The following CYP19A1 variants were observed in gnomAD, a reference collection of about 807,000 sequenced individuals.
The protein encoded by CYP19A1 is cytochrome P450 family 19 subfamily A member 1.
CYP19A1 carries 32 observed loss-of-function variants against 44.4 expected under a neutral mutation model. The ratio of observed to expected loss-of-function variants is 0.72; its 90% CI spans 0.54 to 0.97. CYP19A1 has a LOEUF of 0.97. CYP19A1 is among the 50% of genes least tolerant of loss of function. The pLI is 0.00. For synonymous variants in CYP19A1, 212 were observed against 215.6 expected, an observed-to-expected ratio of 0.98 and a Z score of 0.14; for missense variants, 598 against 637.8, an observed-to-expected ratio of 0.94 and a Z score of 0.67.
intron 2 of CYP19A1, 31 bp from the exon 3 acceptor site, chr15:51,237,040 C>T (rs112649542): frequency 2.5e-6 from 4 of 1,613,596 alleles, no homozygotes; most frequent in African/African-American, 1.3e-5. Flanking sequence ...TAAGCAACAT[C>T]TTAGTTACAC....
chr15:51,310,784 G>T (rs1424424199), intron 1 of CYP19A1, among the ~76,000 whole-genome samples: 1 of 152,176 alleles, frequency 6.6e-6, no homozygotes, highest in Non-Finnish European at 1.5e-5. Context: ...AAAAGGAGCT[G>T]GTCCTTTTCC....
intron 1 of CYP19A1, among the ~76,000 whole-genome samples, chr15:51,245,319 G>C (rs557638735): frequency 6.6e-6 from 1 of 152,160 alleles, no homozygotes; most frequent in Non-Finnish European, 1.5e-5. Context: ...AGCAGGGTAA[G>C]AATATATTTT....
At chr15:51,315,558 G>T (rs1310320619) in intron 1 of CYP19A1, among the ~76,000 whole-genome samples, 1 of 152,194 alleles carries the variant, frequency 6.6e-6, no homozygotes, top group Non-Finnish European at 1.5e-5. Context: ...CCAGTTATAT[G>T]GTTCTTGCTC....
At chr15:51,226,666 C>T (rs1400154889) in intron 4 of CYP19A1, among the ~76,000 whole-genome samples, 1 of 151,286 alleles carries the variant, frequency 6.6e-6, no homozygotes, top group Admixed American at 6.5e-5. Flanking sequence ...AATCATCTAG[C>T]CCCAGATTCC....
Position 51,210,448 on chromosome 15 carries a change from C to T in CYP19A1, c.*360G>A. On this transcript the variant is annotated 3_prime_UTR_variant, in exon 10 of 10. Transcript: ENST00000396402. ...GTTTCTGCCCCAGACATAAAAATCCCCTTGGGTTGAGGCAGTAGAGCTCTA... is the reference window on the plus strand; with the variant it reads ...GTTTCTGCCCCAGACATAAAAATCCTCTTGGGTTGAGGCAGTAGAGCTCTA... 1 of 523,552 alleles carries T rather than the reference C, an allele frequency of 1.9e-6. No homozygotes were observed. The highest frequency in any genetic ancestry group is 3.7e-6 in the Non-Finnish European group (1 of 269,738). 32.4% of individuals were successfully genotyped at this position (523,552 alleles called of 1,614,324 possible).
At chr15:51,215,368 G>A (rs1385102588) in intron 7 of CYP19A1, 136 bp from the exon 8 acceptor site, 1 of 1,392,164 alleles carries the variant, frequency 7.2e-7, no homozygotes, top group Non-Finnish European at 9.9e-7. Context: ...ATTGACTGTG[G>A]ACATTTTACA....
At chr15:51,258,876 C>T (rs1055068480) in intron 1 of CYP19A1, among the ~76,000 whole-genome samples, 2 of 152,194 alleles carry the variant, frequency 1.3e-5, no homozygotes, top group Admixed American at 1.3e-4. Context: ...AAATGGGGAG[C>T]CAGCAATACC....
intron 2 of CYP19A1, among the ~76,000 whole-genome samples, chr15:51,238,963 T>C (rs555243278): frequency 2.6e-5 from 4 of 152,300 alleles, no homozygotes; most frequent in African/African-American, 9.6e-5. Context: ...TGAAAAATAA[T>C]TACTAAATAA....
At chr15:51,281,728 G>T (rs1446662833) in intron 1 of CYP19A1, among the ~76,000 whole-genome samples, 1 of 152,004 alleles carries the variant, frequency 6.6e-6, no homozygotes, top group African/African-American at 2.4e-5. Flanking sequence ...AAAAAGAAAA[G>T]AATGATGCCC....
intron 1 of CYP19A1, chr15:51,293,839 G>A (rs1301848252): frequency 5.5e-6 from 1 of 182,596 alleles, no homozygotes; most frequent in Admixed American, 6.3e-5. Flanking sequence ...GATTGCAGAC[G>A]GAGTCTCGTT....
At chr15:51,271,205 A>C (rs1208984596) in intron 1 of CYP19A1, among the ~76,000 whole-genome samples, 1 of 152,054 alleles carries the variant, frequency 6.6e-6, no homozygotes, top group Non-Finnish European at 1.5e-5. Flanking sequence ...CAGGTCATAC[A>C]GTCTGTGGTC....
intron 1 of CYP19A1, chr15:51,320,854 T>G (rs1030842423): frequency 1.3e-5 from 2 of 152,260 alleles, no homozygotes; most frequent in African/African-American, 4.8e-5. Flanking sequence ...TAAATGAAAT[T>G]ATTTCATCAT....
chr15:51,315,273 TC>T (rs1265324874), intron 1 of CYP19A1, among the ~76,000 whole-genome samples: 3 of 152,078 alleles, frequency 2.0e-5, no homozygotes, highest in Admixed American at 6.5e-5. Flanking sequence ...GCACATTCTC[TC>T]CATGGGGAGT....
chr15:51,255,000 T>C (rs2034462029), intron 1 of CYP19A1, among the ~76,000 whole-genome samples: 2 of 152,246 alleles, frequency 1.3e-5, no homozygotes, highest in South Asian at 2.1e-4. Flanking sequence ...TGTGGGGTCC[T>C]ATGGGAGGAT....
intron 4 of CYP19A1, 40 bp from the exon 5 acceptor site, chr15:51,222,565 C>T: frequency 6.5e-7 from 1 of 1,542,744 alleles, no homozygotes. Context: ...TCACGAACTC[C>T]AGGGCACACA....
intron 1 of CYP19A1, among the ~76,000 whole-genome samples, chr15:51,319,964 G>T (rs1243006903): frequency 3.9e-5 from 6 of 152,324 alleles, no homozygotes; most frequent in Admixed American, 2.6e-4. Context: ...CCTTCTGAGG[G>T]TCACAGAGCG....
chr15:51,286,391 CAATT>C (rs1332893898), intron 1 of CYP19A1, among the ~76,000 whole-genome samples: 1 of 152,186 alleles, frequency 6.6e-6, no homozygotes. Flanking sequence ...AGGAAGCACT[CAATT>C]AAATTTCTGT....
chr15:51,261,412 T>C (rs1306762523), intron 1 of CYP19A1, among the ~76,000 whole-genome samples: 1 of 152,226 alleles, frequency 6.6e-6, no homozygotes, highest in East Asian at 1.9e-4. Flanking sequence ...CTTGCAGTTC[T>C]ATAATCTTAT....
intron 1 of CYP19A1, among the ~76,000 whole-genome samples, chr15:51,283,351 A>AT (rs1485872723): frequency 6.6e-6 from 1 of 152,246 alleles, no homozygotes; most frequent in Non-Finnish European, 1.5e-5. Context: ...TAGTTGCAAC[A>AT]TTAAAACCTG....
Sources: gnomAD v4.1 joint callset for allele counts (sites outside exome capture counted in the v4.1 genomes callset) on GRCh38, gnomAD v4.1.1 for gene constraint, MANE v1.5 for transcripts, NCBI Gene and HGNC (gene_info 2026-07-23, HGNC 2026-07-21) for gene names.